The following DNER variants were observed in gnomAD, a reference collection of about 807,000 sequenced individuals.
DNER encodes delta and Notch-like epidermal growth factor-related receptor.
In DNER, 33 loss-of-function variants were observed where a neutral mutation model predicts 78.2. The ratio of observed to expected loss-of-function variants is 0.42; its 90% CI spans 0.32 to 0.56. The LOEUF (loss-of-function observed/expected upper bound fraction) is 0.56. Among genes scored for constraint, DNER ranks in the 20% least tolerant of loss-of-function variants. DNER has a pLI of 0.11. For missense variants in DNER, 918 were observed against 975.3 expected (o/e 0.94, Z 0.78); for synonymous variants, 417 against 384.8 (o/e 1.08, Z -0.98).
chr2:229,476,484 G>C (rs1695039825), intron 7 of DNER, among the ~76,000 whole-genome samples: 1 of 152,140 alleles, frequency 6.6e-6, no homozygotes, highest in Admixed American at 6.5e-5. Flanking sequence ...TACTTCTGTG[G>C]ATCAGAAGCT....
At chr2:229,549,836 G>A (rs957546996) in intron 4 of DNER, among the ~76,000 whole-genome samples, 3 of 151,190 alleles carry the variant, frequency 2.0e-5, no homozygotes, top group South Asian at 2.1e-4. Context: ...GCTTGAACCC[G>A]GGAGGCAGAG....
At position 229,439,861 on chromosome 2, in the gene DNER, G is replaced by C. The variant is rs184705315; in HGVS notation, c.1486+7455C>G. Among the ~76,000 whole-genome samples the C allele has an allele frequency of 5.3e-5, 8 of 152,302 alleles. No individual in the cohort carries two copies. In the East Asian group the frequency reaches 1.5e-3, roughly 29 times the overall value. On this transcript the variant is annotated intron_variant, in intron 8 of 12. Coordinates refer to ENST00000341772, the MANE Select transcript of DNER (RefSeq NM_139072.4). ...CAACTTTCATTCCAGGCAAGATGAC[G>C]TAAAATGATTTCTGCTGTCCTCACA... is the stretch of plus-strand genomic sequence containing the variant.
In DNER at chr2:229,441,060, A is replaced by G. The variant is rs190583255; in HGVS notation, c.1486+6256T>C. Among the ~76,000 whole-genome samples, 12 of 151,468 alleles carry G rather than the reference A, an allele frequency of 7.9e-5. No individual in the cohort carries two copies. The East Asian group carries it at 2.1e-3, about 27-fold the overall frequency. On this transcript the variant is annotated intron_variant, in intron 8 of 12. Coordinates refer to ENST00000341772, the MANE Select transcript of DNER (RefSeq NM_139072.4). ...TCTTAATCCAAACTCCTTAGCATCT[A>G]CATTCTCCCCACATGTGTCCCCATG...
chr2:229,693,944 A>C (rs1239864086), intron 1 of DNER, among the ~76,000 whole-genome samples: 2 of 152,232 alleles, frequency 1.3e-5, no homozygotes, highest in East Asian at 3.9e-4. Context: ...AGACCTTCAC[A>C]GCAGCCCCTC....
At chr2:229,623,604 T>C (rs1271224007) in intron 1 of DNER, among the ~76,000 whole-genome samples, 1 of 152,178 alleles carries the variant, frequency 6.6e-6, no homozygotes, top group African/African-American at 2.4e-5. Context: ...AAAACCACAA[T>C]AAGGAAGAAG....
chr2:229,482,050 T>A (rs926889729), intron 6 of DNER, among the ~76,000 whole-genome samples: 1 of 152,246 alleles, frequency 6.6e-6, no homozygotes, highest in Non-Finnish European at 1.5e-5. Flanking sequence ...AAGACAATGA[T>A]AAACTCCCTT....
chr2:229,637,975 T>C (rs1698555245), intron 1 of DNER, among the ~76,000 whole-genome samples: 1 of 152,246 alleles, frequency 6.6e-6, no homozygotes, highest in South Asian at 2.1e-4. Flanking sequence ...TTGGAATAGA[T>C]GCCACATAAA....
chr2:229,517,815 C>A (rs1259795133), intron 5 of DNER, among the ~76,000 whole-genome samples: 1 of 152,154 alleles, frequency 6.6e-6, no homozygotes, highest in African/African-American at 2.4e-5. Context: ...ACAACGAACA[C>A]GGCAGGTCCC....
intron 5 of DNER, among the ~76,000 whole-genome samples, chr2:229,524,164 T>C (rs1424595798): frequency 6.6e-6 from 1 of 152,236 alleles, no homozygotes; most frequent in Admixed American, 6.5e-5. Context: ...CAGGACCTGC[T>C]CTTTACATTA....
chr2:229,543,902 GCC>G (rs960021900), intron 5 of DNER, among the ~76,000 whole-genome samples: 2 of 151,912 alleles, frequency 1.3e-5, no homozygotes, highest in African/African-American at 2.4e-5. Flanking sequence ...TCCAATTCTT[GCC>G]CCTTTTGCTT....
Position 229,390,547 on chromosome 2 carries a change from C to T in DNER, c.1724-2151G>A, listed in dbSNP as rs1692990907. ...CCCTAGAATTGTCTGTTCTTGGGAT[C>T]CACTAGATTGGACGGATTTGGTAAG... is the stretch of plus-strand genomic sequence containing the variant. On this transcript the variant is annotated intron_variant, in intron 10 of 12. Coordinates refer to ENST00000341772, the MANE Select transcript of DNER (RefSeq NM_139072.4). Among the ~76,000 whole-genome samples, 3 of 152,166 alleles carry T rather than the reference C, an allele frequency of 2.0e-5. No individual in the cohort carries two copies. In the South Asian group the frequency reaches 6.2e-4, roughly 31 times the overall value.
In DNER at chr2:229,694,723, T is replaced by C. The variant is rs558635521; in HGVS notation, c.276+19425A>G. Among the ~76,000 whole-genome samples, 17 of 152,342 alleles carry C rather than the reference T, an allele frequency of 1.1e-4. No homozygotes were observed. The South Asian group carries it at 2.7e-3, about 24-fold the overall frequency. On this transcript the variant is annotated intron_variant, in intron 1 of 12. Coordinates refer to ENST00000341772, the MANE Select transcript of DNER (RefSeq NM_139072.4). ...TATTTACCCAATGCCTGTACCCCCA[T>C]TGTATCTAAGAAGTAACTAACTTGC...
intron 11 of DNER, among the ~76,000 whole-genome samples, chr2:229,371,222 C>T (rs1177124399): frequency 2.0e-5 from 3 of 152,202 alleles, no homozygotes; most frequent in African/African-American, 4.8e-5. Context: ...AAGTCCAACG[C>T]TAGGTCTGAG....
intron 8 of DNER, among the ~76,000 whole-genome samples, chr2:229,434,900 G>C (rs911981174): frequency 7.5e-6 from 1 of 132,774 alleles, no homozygotes; most frequent in African/African-American, 3.0e-5. Context: ...TACATATATA[G>C]AGACAATTTA....
intron 4 of DNER, among the ~76,000 whole-genome samples, chr2:229,580,543 A>C (rs1429179865): frequency 6.6e-6 from 1 of 152,220 alleles, no homozygotes; most frequent in Non-Finnish European, 1.5e-5. Context: ...AGAATGAAGG[A>C]AGAGAAAAAG....
chr2:229,449,511 C>T (rs989746539), intron 7 of DNER, among the ~76,000 whole-genome samples: 3 of 152,044 alleles, frequency 2.0e-5, no homozygotes, highest in African/African-American at 7.3e-5. Context: ...GACCAAGCCA[C>T]CCTACAGCTT....
At chr2:229,402,901 G>A (rs760114230) in intron 10 of DNER, among the ~76,000 whole-genome samples, 2 of 152,190 alleles carry the variant, frequency 1.3e-5, no homozygotes, top group Non-Finnish European at 2.9e-5. Flanking sequence ...CTTATGGAGA[G>A]AACTGTGTAG....
Position 229,413,321 on chromosome 2 carries a change from CTTTTTTTTTT to C in DNER, c.1609+4777_1609+4786del, listed in dbSNP as rs398061160. Among the ~76,000 whole-genome samples, 9 of 67,780 alleles carry C rather than the reference CTTTTTTTTTT, an allele frequency of 1.3e-4. No homozygotes were observed. In the South Asian group the frequency reaches 6.9e-3, roughly 52 times the overall value. 44.5% of individuals were successfully genotyped at this position (67,780 alleles called of 152,430 possible). A position where few individuals can be genotyped will look rare whatever the true frequency, so the allele number is the denominator to read the frequency against. ...TGCTTTTCTTTTTCTTTTTCTTCTTCTTTTTTTTTTTTTTTTTTTTTGACGGAGTCTCGCT... is the reference window on the plus strand; with the variant it reads ...TGCTTTTCTTTTTCTTTTTCTTCTTCTTTTTTTTTTTGACGGAGTCTCGCT... On this transcript the variant is annotated intron_variant, in intron 9 of 12. Transcript: ENST00000341772.
intron 11 of DNER, among the ~76,000 whole-genome samples, chr2:229,378,807 C>T (rs1281710627): frequency 6.6e-6 from 1 of 152,146 alleles, no homozygotes; most frequent in Non-Finnish European, 1.5e-5. Flanking sequence ...TCCCTGCCCA[C>T]CAAATGTACG....
Sources: allele counts gnomAD v4.1 joint callset (sites outside exome capture counted in the v4.1 genomes callset), GRCh38; gene constraint gnomAD v4.1.1; transcripts MANE v1.5; gene names NCBI Gene and HGNC (gene_info 2026-07-23, HGNC 2026-07-21).